The following NCS1 variants were observed in gnomAD, a reference collection of about 807,000 sequenced individuals.
NCS1 encodes the protein neuronal calcium sensor 1, also known as frequenin homolog.
NCS1 carries 6 observed loss-of-function variants against 28.4 expected under a neutral mutation model. The ratio of observed to expected loss-of-function variants is 0.21; its 90% CI spans 0.12 to 0.42. The LOEUF (loss-of-function observed/expected upper bound fraction) is 0.42, where lower values mean the gene tolerates loss of function less well. NCS1 is among the 10% of genes least tolerant of loss of function. The pLI is 1.00. For missense variants in NCS1, 131 were observed against 241.4 expected (o/e 0.54, Z 3.03); for synonymous variants, 86 against 99.3 (o/e 0.87, Z 0.79).
chr9:130,190,056 G>GAGAGAGAGAGAGAC (rs1440488224), intron 1 of NCS1, among the ~76,000 whole-genome samples: 2 of 150,486 alleles, frequency 1.3e-5, no homozygotes, highest in Non-Finnish European at 3.0e-5. Flanking sequence ...GAGAGAGAGA[G>GAGAGAGAGAGAGAC]AGAGAGAGAA....
rs1832636256 is a variant in NCS1 at position 130,180,223 on chromosome 9, GGGGTCTT to G, written c.64+7498_64+7504del. On this transcript the variant is annotated intron_variant, in intron 1 of 7. Transcript: ENST00000372398. This position sits in a 1 kb window ranked among gnomAD's most constrained non-coding sequence, Gnocchi z 4.5. ...TAATTTTTGTATTTTTAGTGGAGAT[GGGGTCTT>G]GCCATTTTGGCCAGGTTGGTCTCAA... is the stretch of plus-strand genomic sequence containing the variant. Among the ~76,000 whole-genome samples the G allele has an allele frequency of 6.6e-6, 1 of 152,092 alleles. No individual in the cohort carries two copies. The highest frequency in any genetic ancestry group is 1.5e-5 in the Non-Finnish European group (1 of 68,038).
chr9:130,206,167 C>A (rs144282480), intron 2 of NCS1, among the ~76,000 whole-genome samples: 2 of 152,160 alleles, frequency 1.3e-5, no homozygotes, highest in South Asian at 4.1e-4. Flanking sequence ...ACTGCTGTTA[C>A]CATACAAAAT....
chr9:130,211,541 A>T (rs1179975264), intron 2 of NCS1, among the ~76,000 whole-genome samples: 1 of 151,450 alleles, frequency 6.6e-6, no homozygotes, highest in Non-Finnish European at 1.5e-5. Flanking sequence ...CAAGCAGAAG[A>T]TGTGGAAGAA....
At chr9:130,172,754 G>A in intron 1 of NCS1, 27 bp downstream of exon 1, 1 of 1,355,414 alleles carries the variant, frequency 7.4e-7, no homozygotes, top group Admixed American at 2.4e-5. Flanking sequence ...CCCAGCCCGC[G>A]CCCCGCGGTC....
rs782532434 is a variant in NCS1, at chr9:130,172,646, G to A, written c.-18G>A. The stretch of plus-strand genomic sequence containing the variant: ...AACCGGGTCCGGCCCGGGGGGGCGG[G>A]GGCCGCGGCCGCCGAGGATGGGGAA... On this transcript the variant is annotated 5_prime_UTR_variant, in exon 1 of 8. Coordinates refer to ENST00000372398, the MANE Select transcript of NCS1 (RefSeq NM_014286.4). 35 of 1,442,186 alleles carry A rather than the reference G, an allele frequency of 2.4e-5. No homozygotes were observed. In the South Asian group the frequency reaches 4.2e-4, roughly 17 times the overall value. 89.3% of individuals were successfully genotyped at this position (1,442,186 alleles called of 1,614,324 possible). A position where few individuals can be genotyped will look rare whatever the true frequency, so the allele number is the denominator to read the frequency against.
At chr9:130,221,447 G>GAGAGAGAGAGAGAGAGAGAGAGAA (rs1833300879) in intron 4 of NCS1, among the ~76,000 whole-genome samples, 1 of 140,414 alleles carries the variant, frequency 7.1e-6, no homozygotes, top group Non-Finnish European at 1.5e-5. Flanking sequence ...GAGAGAGAGA[G>GAGAGAGAGAGAGAGAGAGAGAGAA]AGAGAAAGAG....
intron 2 of NCS1, among the ~76,000 whole-genome samples, chr9:130,203,382 G>A (rs1339976729): frequency 6.6e-6 from 1 of 152,118 alleles, no homozygotes; most frequent in Non-Finnish European, 1.5e-5. Flanking sequence ...TGGGATTACA[G>A]GCGTAAGCCA....
chr9:130,203,046 A>ATGTGTGTGTGTG lies in NCS1; in HGVS notation c.89+2088_89+2099dup, dbSNP rs113946626. ...CTGAGCTCTTGCCTCCAGGGTAAATATGTGTGTGTGTGTGTGTGTGTGTGT... is the reference window on the plus strand; with the variant it reads ...CTGAGCTCTTGCCTCCAGGGTAAATATGTGTGTGTGTGTGTGTGTGTGTGTGTGTGTGTGTGT... On this transcript the variant is annotated intron_variant, in intron 2 of 7. Transcript: ENST00000372398. Among the ~76,000 whole-genome samples the ATGTGTGTGTGTG allele has an allele frequency of 5.7e-4, 81 of 142,708 alleles. 1 individual carries two copies. Among genetic ancestry groups the ATGTGTGTGTGTG allele is most frequent in the African/African-American group, 2.1e-3 (80 of 37,580 alleles). 93.6% of individuals were successfully genotyped at this position (142,708 alleles called of 152,430 possible). A position where few individuals can be genotyped will look rare whatever the true frequency, so the allele number is the denominator to read the frequency against.
intron 1 of NCS1, among the ~76,000 whole-genome samples, chr9:130,176,407 G>A (rs1159214332): frequency 6.6e-6 from 1 of 151,892 alleles, no homozygotes; most frequent in East Asian, 1.9e-4. Flanking sequence ...TTTTGCCTGG[G>A]CTGGTCTCAA....
intron 1 of NCS1, among the ~76,000 whole-genome samples, chr9:130,189,879 A>AT (rs1207119695): frequency 1.6e-4 from 6 of 37,748 alleles, no homozygotes; most frequent in Non-Finnish European, 2.2e-4. Context: ...AAAAAAAAAA[A>AT]ATATATATAT....
At chr9:130,188,810 G>C (rs1832775657) in intron 1 of NCS1, among the ~76,000 whole-genome samples, 1 of 152,052 alleles carries the variant, frequency 6.6e-6, no homozygotes, top group African/African-American at 2.4e-5. Flanking sequence ...TCTGCCTCCT[G>C]GGTTCAAGCG....
intron 2 of NCS1, among the ~76,000 whole-genome samples, chr9:130,208,900 TGG>T (rs782085388): frequency 3.2e-4 from 48 of 152,240 alleles, no homozygotes; most frequent in Non-Finnish European, 6.3e-4. Context: ...GTGTGGAGTC[TGG>T]GTCCAGCTCG....
At chr9:130,176,111 T>C (rs1832560231) in intron 1 of NCS1, among the ~76,000 whole-genome samples, 1 of 152,030 alleles carries the variant, frequency 6.6e-6, no homozygotes, top group Admixed American at 6.6e-5. Flanking sequence ...TAAATGCCAG[T>C]GATCGTAATT....
intron 1 of NCS1, among the ~76,000 whole-genome samples, chr9:130,190,065 A>AGAGAGAGAGAGAGAGAGAG (rs61046186): frequency 6.1e-5 from 9 of 146,630 alleles, no homozygotes; most frequent in African/African-American, 5.1e-5. Context: ...AGAGAGAGAG[A>AGAGAGAGAGAGAGAGAGAG]ATATATGTGG....
At chr9:130,203,046 ATGTGTGTGTGTGTGTG>A (rs113946626) in intron 2 of NCS1, among the ~76,000 whole-genome samples, 2 of 142,712 alleles carry the variant, frequency 1.4e-5, no homozygotes, top group East Asian at 2.1e-4. Flanking sequence ...CAGGGTAAAT[ATGTGTGTGTGTGTGTG>A]TGTGTGTGTG....
intron 1 of NCS1, among the ~76,000 whole-genome samples, chr9:130,195,627 T>TTGG (rs1217928571): frequency 9.9e-5 from 15 of 152,212 alleles, no homozygotes; most frequent in Admixed American, 8.5e-4. Context: ...TTTCACCATG[T>TTGG]TGGCCAGGCT....
chr9:130,214,269 A>G (rs1021818881), intron 2 of NCS1, among the ~76,000 whole-genome samples: 3 of 152,212 alleles, frequency 2.0e-5, no homozygotes, highest in Non-Finnish European at 4.4e-5. Flanking sequence ...AGCAGCATCT[A>G]AGCTGGGGCC....
rs189192712 is a variant in NCS1, at chr9:130,177,923, G to A, written c.64+5196G>A. On this transcript the variant is annotated intron_variant, in intron 1 of 7. Coordinates refer to ENST00000372398, the MANE Select transcript of NCS1 (RefSeq NM_014286.4). The surrounding 1 kb of genome is among the most constrained non-coding windows in gnomAD (Gnocchi z 4.4). ...CCTCCTCTCACCGGCTTCACTTTCC[G>A]CCTCTGGAAAATGGGCAGTTTTGGA... Among the ~76,000 whole-genome samples the A allele has an allele frequency of 2.0e-5, 3 of 152,354 alleles. No homozygotes were observed. Among genetic ancestry groups the A allele is most frequent in the African/African-American group, 4.8e-5 (2 of 41,586 alleles).
chr9:130,223,490 G>A (rs1833368504), intron 6 of NCS1, among the ~76,000 whole-genome samples: 1 of 151,954 alleles, frequency 6.6e-6, no homozygotes, highest in Non-Finnish European at 1.5e-5. Context: ...AGATCAAAAA[G>A]GAAGCTGATT....
Sources: gnomAD v4.1 joint callset for allele counts (sites outside exome capture counted in the v4.1 genomes callset) on GRCh38, gnomAD v4.1.1 for gene constraint, Gnocchi (gnomAD v3.1) non-coding constraint, MANE v1.5 for transcripts, NCBI Gene and HGNC (gene_info 2026-07-23, HGNC 2026-07-21) for gene names.